The following ZNF136 variants were observed in gnomAD, a reference collection of about 807,000 sequenced individuals.
The protein encoded by ZNF136 is zinc finger protein 136.
Under a neutral mutation model 11.4 loss-of-function variants are expected in ZNF136, and 8 were observed. That is an observed-to-expected ratio of 0.70 (90% CI 0.41 to 1.27). The LOEUF (loss-of-function observed/expected upper bound fraction) is 1.27, where lower values mean the gene tolerates loss of function less well. Ranked by LOEUF, ZNF136 falls within the 50% of genes most tolerant of loss-of-function variation. ZNF136 has a pLI of 0.01. For synonymous variants in ZNF136, 190 were observed against 207.1 expected (o/e 0.92, Z 0.71); for missense variants, 590 against 656.5 (o/e 0.90, Z 1.11).
chr19:12,164,720 G>A (rs1977161897), intron 1 of ZNF136: 5 of 152,184 alleles, frequency 3.3e-5, no homozygotes, highest in Admixed American at 3.3e-4. Context: ...GGGATTACAG[G>A]CGTAACTGTA....
chr19:12,185,517 A>G (rs1182852595), intron 1 of ZNF136: 1 of 318,922 alleles, frequency 3.1e-6, no homozygotes, highest in African/African-American at 2.2e-5. Context: ...GGTCCACTGT[A>G]TGAGCAGACA....
At chr19:12,186,027 A>C in intron 2 of ZNF136, 87 bp from the exon 3 acceptor site, 1 of 1,593,686 alleles carries the variant, frequency 6.3e-7, no homozygotes, top group South Asian at 1.1e-5. Flanking sequence ...TAAAACAGGC[A>C]TAGTCACAGG....
intron 1 of ZNF136, among the ~76,000 whole-genome samples, chr19:12,173,124 AAG>A (rs1271551227): frequency 2.0e-5 from 3 of 152,150 alleles, no homozygotes; most frequent in Non-Finnish European, 4.4e-5. Flanking sequence ...GAGCAAGGGA[AAG>A]AGAGGGAATT....
chr19:12,171,447 G>A (rs1214895916), intron 1 of ZNF136, among the ~76,000 whole-genome samples: 1 of 152,130 alleles, frequency 6.6e-6, no homozygotes, highest in Non-Finnish European at 1.5e-5. Context: ...GTGATTACAT[G>A]TTGCTTTTTA....
intron 1 of ZNF136, among the ~76,000 whole-genome samples, chr19:12,179,774 G>A (rs541198786): frequency 2.1e-4 from 32 of 152,270 alleles, no homozygotes; most frequent in African/African-American, 7.5e-4. Flanking sequence ...GTGGCGCTAA[G>A]TTTATTACCT....
chr19:12,181,882 GTC>G (rs1290132758), intron 1 of ZNF136, among the ~76,000 whole-genome samples: 3 of 152,150 alleles, frequency 2.0e-5, no homozygotes, highest in Non-Finnish European at 4.4e-5. Context: ...CAATCCGCCT[GTC>G]TCTGCCTCCC....
chr19:12,185,956 G>T, intron 2 of ZNF136, 45 bp downstream of exon 2: 1 of 1,609,820 alleles, frequency 6.2e-7, no homozygotes, highest in Non-Finnish European at 8.5e-7. Flanking sequence ...AAGAAGAAGT[G>T]CTTCTTGTGC....
chr19:12,180,484 T>G (rs1327180452), intron 1 of ZNF136, among the ~76,000 whole-genome samples: 1 of 152,100 alleles, frequency 6.6e-6, no homozygotes, highest in East Asian at 1.9e-4. Context: ...GAAAAAATGG[T>G]AAGACTGGTT....
At chr19:12,186,244 G>T in intron 3 of ZNF136, 70 bp downstream of exon 3, 1 of 1,466,624 alleles carries the variant, frequency 6.8e-7, no homozygotes, top group Non-Finnish European at 9.2e-7. Context: ...TTAAAAACAG[G>T]CAAACATAAC....
chr19:12,181,018 G>T (rs543233164), intron 1 of ZNF136, among the ~76,000 whole-genome samples: 2 of 152,194 alleles, frequency 1.3e-5, no homozygotes, highest in Non-Finnish European at 2.9e-5. Context: ...GCGCCTCAGA[G>T]CCCTGTCTGC....
chr19:12,179,704 C>A (rs1045396186), intron 1 of ZNF136, among the ~76,000 whole-genome samples: 2 of 152,064 alleles, frequency 1.3e-5, no homozygotes, highest in African/African-American at 2.4e-5. Context: ...TATGAAGAAG[C>A]AAGGTTATTT....
rs1336087901 is a variant in ZNF136, at chr19:12,189,607, A to C, written c.*1606A>C. On this transcript the variant is annotated 3_prime_UTR_variant, in exon 4 of 4. Transcript: ENST00000343979. ...TGACCTCAAGTGATCCACCCACCTC[A>C]GCCTCCTAAAGTCTGGGATTACACG... The C allele has an allele frequency of 6.6e-6, 1 of 151,626 alleles. No individual in the cohort carries two copies. Among genetic ancestry groups the C allele is most frequent in the East Asian group, 1.9e-4 (1 of 5,172 alleles). 9.4% of individuals were successfully genotyped at this position (151,626 alleles called of 1,614,324 possible).
chr19:12,182,320 G>T (rs1243780027), intron 1 of ZNF136, among the ~76,000 whole-genome samples: 2 of 152,098 alleles, frequency 1.3e-5, no homozygotes, highest in African/African-American at 2.4e-5. Context: ...TGGAAACTTT[G>T]CAGGGTTGAT....
At chr19:12,170,170 CA>C (rs1914614767) in intron 1 of ZNF136, among the ~76,000 whole-genome samples, 1 of 128,136 alleles carries the variant, frequency 7.8e-6, no homozygotes, top group South Asian at 2.8e-4. Context: ...CCTTGTGATT[CA>C]CCCACCTTGG....
intron 1 of ZNF136, among the ~76,000 whole-genome samples, chr19:12,184,044 A>G (rs1915019403): frequency 6.6e-6 from 1 of 151,870 alleles, no homozygotes; most frequent in Non-Finnish European, 1.5e-5. Flanking sequence ...AGGCTGGCAG[A>G]TACTTGCGGT....
At chr19:12,170,610 T>C (rs975593188) in intron 1 of ZNF136, among the ~76,000 whole-genome samples, 6 of 151,902 alleles carry the variant, frequency 3.9e-5, no homozygotes, top group Non-Finnish European at 5.9e-5. Flanking sequence ...ACTCAAACCC[T>C]TGGGCTCAGC....
intron 1 of ZNF136, among the ~76,000 whole-genome samples, chr19:12,179,409 C>T (rs1182700285): frequency 6.6e-6 from 1 of 151,370 alleles, no homozygotes; most frequent in Admixed American, 6.6e-5. Flanking sequence ...CTTCCAGGTT[C>T]AAGCTATTCT....
rs144952215 is a variant in ZNF136, at chr19:12,179,876, T to C, written c.4-5909T>C. ...ATAAATTCTAACTATTGATAATTTTTTTTTTTTGAGACAGAGTCTGGCTCT... is the reference window on the plus strand; with the variant it reads ...ATAAATTCTAACTATTGATAATTTTCTTTTTTTGAGACAGAGTCTGGCTCT... On this transcript the variant is annotated intron_variant, in intron 1 of 3. Coordinates refer to ENST00000343979, the MANE Select transcript of ZNF136 (RefSeq NM_003437.5). Among the ~76,000 whole-genome samples the C allele has an allele frequency of 3.5e-3, 527 of 152,272 alleles. 5 individuals are homozygous for C. The highest frequency in any genetic ancestry group is 7.1e-3 in the South Asian group (34 of 4,820).
chr19:12,176,332 T>C (rs1233429344), intron 1 of ZNF136, among the ~76,000 whole-genome samples: 2 of 143,672 alleles, frequency 1.4e-5, no homozygotes, highest in African/African-American at 5.3e-5. Flanking sequence ...CAATGAGTAC[T>C]TTTTTTTTTT....
Sources: allele counts gnomAD v4.1 joint callset (sites outside exome capture counted in the v4.1 genomes callset), GRCh38; gene constraint gnomAD v4.1.1; transcripts MANE v1.5; gene names NCBI Gene and HGNC (gene_info 2026-07-23, HGNC 2026-07-21).